SLIT3: variants seen among roughly 807,000 people sequenced by gnomAD.
SLIT3 encodes slit guidance ligand 3.
A neutral mutation model predicts 184.0 loss-of-function variants in SLIT3; 68 were observed. The ratio of observed to expected loss-of-function variants is 0.37; its 90% CI spans 0.30 to 0.45. The LOEUF (loss-of-function observed/expected upper bound fraction) is 0.45, where lower values mean the gene tolerates loss of function less well. SLIT3 is among the 20% of genes least tolerant of loss of function. The pLI is 1.00. For synonymous variants in SLIT3, 831 were observed against 828.6 expected (o/e 1.00, Z -0.05); for missense variants, 1,707 against 2,026.0 (o/e 0.84, Z 3.02).
intron 4 of SLIT3, among the ~76,000 whole-genome samples, chr5:169,169,041 G>C (rs935707330): frequency 3.9e-5 from 6 of 152,120 alleles, no homozygotes; most frequent in African/African-American, 1.2e-4. Context: ...CCAGAGTGGG[G>C]GGGGGATCAC....
chr5:168,848,763 G>A (rs1042683769), intron 5 of SLIT3, among the ~76,000 whole-genome samples: 3 of 152,106 alleles, frequency 2.0e-5, no homozygotes, highest in Non-Finnish European at 2.9e-5. Context: ...GAAAGCCAGC[G>A]TGAGTGAGGA....
At chr5:168,961,888 G>GTA (rs1304942474) in intron 4 of SLIT3, among the ~76,000 whole-genome samples, 1 of 146,732 alleles carries the variant, frequency 6.8e-6, no homozygotes, top group Non-Finnish European at 1.5e-5. Flanking sequence ...GTGTGTGTAT[G>GTA]TGTGAAAGAC....
At chr5:169,204,042 G>A (rs1763986897) in intron 3 of SLIT3, among the ~76,000 whole-genome samples, 1 of 152,116 alleles carries the variant, frequency 6.6e-6, no homozygotes, top group Non-Finnish European at 1.5e-5. Flanking sequence ...TGGTTACCGT[G>A]GGAGATGAAG....
chr5:168,963,512 C>T (rs1217892531), intron 4 of SLIT3, among the ~76,000 whole-genome samples: 1 of 152,198 alleles, frequency 6.6e-6, no homozygotes, highest in South Asian at 2.1e-4. Context: ...GCTGCTTTCA[C>T]CACACAAGGC....
At position 168,815,635 on chromosome 5, in the gene SLIT3, C is replaced by G. The variant is rs566649491; in HGVS notation, c.793+1665G>C. ...GTGTCTATAGGAAGTTATTGAGGTA[C>G]TGCTTGAGACATGTTAAAATATTTT... On this transcript the variant is annotated intron_variant, in intron 8 of 35. Coordinates refer to ENST00000519560, the MANE Select transcript of SLIT3 (RefSeq NM_003062.4). Among the ~76,000 whole-genome samples the G allele has an allele frequency of 1.1e-4, 17 of 152,288 alleles. No homozygotes were observed. In the South Asian group the frequency reaches 3.3e-3, roughly 30 times the overall value.
chr5:169,029,593 A>G (rs140843325), intron 4 of SLIT3, among the ~76,000 whole-genome samples: 2,183 of 152,348 alleles, frequency 0.014, 32 homozygotes, highest in Non-Finnish European at 0.022. Flanking sequence ...CTGAATCCCT[A>G]GAATACATTT....
At chr5:169,021,592 C>T (rs78013587) in intron 4 of SLIT3, among the ~76,000 whole-genome samples, 7,309 of 152,174 alleles carry the variant, frequency 0.048, 393 homozygotes, top group African/African-American at 0.13. Context: ...CTCTGGTGAT[C>T]GACCTGCCTC....
At chr5:169,249,369 A>C (rs1440311589) in intron 2 of SLIT3, among the ~76,000 whole-genome samples, 1 of 152,242 alleles carries the variant, frequency 6.6e-6, no homozygotes, top group East Asian at 1.9e-4. Flanking sequence ...TTAACTGAAA[A>C]GATAAACTGT....
intron 3 of SLIT3, among the ~76,000 whole-genome samples, chr5:169,223,013 G>C (rs1382826999): frequency 1.3e-5 from 2 of 152,170 alleles, no homozygotes; most frequent in African/African-American, 2.4e-5. Context: ...CCATGCCACA[G>C]TTCAAAGGGG....
intron 4 of SLIT3, among the ~76,000 whole-genome samples, chr5:169,004,345 G>A (rs1226685928): frequency 6.6e-6 from 1 of 152,192 alleles, no homozygotes; most frequent in African/African-American, 2.4e-5. Flanking sequence ...CCCCCAGCTG[G>A]GCTGCCAGGG....
intron 12 of SLIT3, among the ~76,000 whole-genome samples, chr5:168,785,401 C>T (rs1756118773): frequency 1.3e-5 from 2 of 152,190 alleles, no homozygotes; most frequent in Non-Finnish European, 2.9e-5. Context: ...TAAGTAAACA[C>T]TCCTCTCCAC....
chr5:169,106,858 C>T (rs1464591510), intron 4 of SLIT3, among the ~76,000 whole-genome samples: 1 of 152,184 alleles, frequency 6.6e-6, no homozygotes, highest in South Asian at 2.1e-4. Flanking sequence ...GCAGACAAAC[C>T]TGCAAAAGAG....
chr5:169,195,973 T>C (rs1763729426), intron 3 of SLIT3, among the ~76,000 whole-genome samples: 1 of 152,194 alleles, frequency 6.6e-6, no homozygotes, highest in Non-Finnish European at 1.5e-5. Flanking sequence ...TTCACATCAT[T>C]GAACAACTAA....
At chr5:169,215,562 A>G (rs1764408833) in intron 3 of SLIT3, among the ~76,000 whole-genome samples, 1 of 152,202 alleles carries the variant, frequency 6.6e-6, no homozygotes, top group Non-Finnish European at 1.5e-5. Flanking sequence ...GCAACCATAA[A>G]CAATACATCA....
intron 2 of SLIT3, among the ~76,000 whole-genome samples, chr5:169,248,316 A>T (rs746526164): frequency 3.3e-5 from 5 of 152,114 alleles, no homozygotes; most frequent in Admixed American, 1.3e-4. Context: ...CTGACCAAGT[A>T]TCCACATCCC....
At chr5:168,882,780 C>T (rs1000135722) in intron 5 of SLIT3, among the ~76,000 whole-genome samples, 1 of 152,232 alleles carries the variant, frequency 6.6e-6, no homozygotes, top group Admixed American at 6.5e-5. Flanking sequence ...GGATGTAAGT[C>T]CCCATGCTCT....
intron 4 of SLIT3, among the ~76,000 whole-genome samples, chr5:168,901,264 T>C (rs1244810177): frequency 1.3e-5 from 2 of 152,040 alleles, no homozygotes; most frequent in Admixed American, 6.5e-5. Flanking sequence ...CTCGGGAGGC[T>C]GAGGCGGGAG....
intron 4 of SLIT3, among the ~76,000 whole-genome samples, chr5:169,159,087 A>T (rs1762395598): frequency 6.6e-6 from 1 of 151,664 alleles, no homozygotes; most frequent in Admixed American, 6.6e-5. Flanking sequence ...TATACCAATT[A>T]AAAAACAGAG....
chr5:169,052,809 A>C (rs1448562924), intron 4 of SLIT3, among the ~76,000 whole-genome samples: 2 of 152,198 alleles, frequency 1.3e-5, no homozygotes, highest in Non-Finnish European at 2.9e-5. Flanking sequence ...CTGCTGAAAT[A>C]CTGCATCATC....
Sources: allele counts gnomAD v4.1 joint callset (sites outside exome capture counted in the v4.1 genomes callset), GRCh38; gene constraint gnomAD v4.1.1; transcripts MANE v1.5; gene names NCBI Gene and HGNC (gene_info 2026-07-23, HGNC 2026-07-21).